PCDH11X: variants seen among roughly 807,000 people sequenced by gnomAD.
PCDH11X encodes the protein protocadherin-11 X-linked.
PCDH11X carries 18 observed loss-of-function variants against 53.3 expected under a neutral mutation model. That is an observed-to-expected ratio of 0.34 (90% CI 0.23 to 0.50). PCDH11X has a LOEUF of 0.50. PCDH11X is among the 20% of genes least tolerant of loss of function. The pLI is 0.98. For missense variants in PCDH11X, 570 were observed against 1,032.4 expected, an observed-to-expected ratio of 0.55 and a Z score of 6.14; for synonymous variants, 279 against 393.3, an observed-to-expected ratio of 0.71 and a Z score of 3.44.
At chrX:92,129,961 TGCGCAC>T (rs2148193755) in intron 6 of PCDH11X, among the ~76,000 whole-genome samples, 1 of 112,029 alleles carries the variant, frequency 8.9e-6, no homozygotes, top group East Asian at 2.8e-4. Context: ...ATGGCTTATA[TGCGCAC>T]ACGCACACGC....
At chrX:92,564,475 T>C in intron 10 of PCDH11X, among the ~76,000 whole-genome samples, 2 of 102,879 alleles carry the variant, frequency 1.9e-5, no homozygotes, top group Middle Eastern at 9.9e-3. Flanking sequence ...ACACCTACAG[T>C]GTACTAGTTT....
intron 8 of PCDH11X, among the ~76,000 whole-genome samples, chrX:92,296,492 T>C (rs1439993955): frequency 1.8e-5 from 2 of 109,557 alleles, no homozygotes; most frequent in Non-Finnish European, 3.8e-5. Context: ...AGTGAGAACA[T>C]GTGGTATCTG....
intron 6 of PCDH11X, among the ~76,000 whole-genome samples, chrX:92,160,381 G>A (rs2065620279): frequency 9.1e-6 from 1 of 110,113 alleles, no homozygotes; most frequent in South Asian, 3.8e-4. Context: ...TCACAGCTTA[G>A]CTCCCGCTTA....
intron 4 of PCDH11X, among the ~76,000 whole-genome samples, chrX:91,825,168 G>T (rs1479178973): frequency 9.1e-6 from 1 of 109,341 alleles, no homozygotes; most frequent in Non-Finnish European, 1.9e-5. Flanking sequence ...GCCTACAGAG[G>T]CAAGCAGGCC....
At chrX:91,824,457 T>C (rs1192728717) in intron 4 of PCDH11X, among the ~76,000 whole-genome samples, 1 of 111,443 alleles carries the variant, frequency 9.0e-6, no homozygotes, top group Non-Finnish European at 1.9e-5. Flanking sequence ...TTTCTTCCAG[T>C]TGATCGCATC....
intron 6 of PCDH11X, among the ~76,000 whole-genome samples, chrX:92,071,409 A>T (rs773474123): frequency 2.7e-5 from 3 of 111,277 alleles, no homozygotes; most frequent in African/African-American, 6.6e-5. Flanking sequence ...AGTTTTTTGA[A>T]TTATCTCTCT....
intron 5 of PCDH11X, among the ~76,000 whole-genome samples, chrX:91,839,614 A>G (rs1937440775): frequency 9.0e-6 from 1 of 110,658 alleles, no homozygotes; most frequent in African/African-American, 3.3e-5. Flanking sequence ...AAAAAAATAA[A>G]TAAATAAAAT....
chrX:92,551,529 T>C (rs1338868738), intron 10 of PCDH11X, among the ~76,000 whole-genome samples: 1 of 105,933 alleles, frequency 9.4e-6, no homozygotes, highest in East Asian at 3.0e-4. Flanking sequence ...ACTTTGTTGA[T>C]AGCTTCCTCT....
At chrX:92,475,493 A>G (rs991117425) in intron 10 of PCDH11X, among the ~76,000 whole-genome samples, 1 of 111,805 alleles carries the variant, frequency 8.9e-6, no homozygotes, top group African/African-American at 3.3e-5. Context: ...TAAATATGTC[A>G]TGCCACTCTC....
intron 10 of PCDH11X, among the ~76,000 whole-genome samples, chrX:92,535,739 G>A (rs2074646393): frequency 1.8e-5 from 2 of 111,661 alleles, no homozygotes; most frequent in Non-Finnish European, 3.8e-5. Flanking sequence ...ATAGGAATAC[G>A]ATCCAATACT....
intron 10 of PCDH11X, among the ~76,000 whole-genome samples, chrX:92,469,501 A>G (rs1264567843): frequency 9.0e-6 from 1 of 111,467 alleles, no homozygotes; most frequent in African/African-American, 3.3e-5. Context: ...GTTTCCCCAA[A>G]GTGTTCTAGT....
rs4020627 is a variant in PCDH11X, at chrX:92,495,393, A to AT, written c.3367+27083dup. ...ATCTTTCAACACACAGTCGCAGTCA[A>AT]TTTTTTTTTTTTGTAATGCTTTCCA... On this transcript the variant is annotated intron_variant, in intron 10 of 10. Coordinates refer to ENST00000682573, the MANE Select transcript of PCDH11X (RefSeq NM_032968.5). Among the ~76,000 whole-genome samples, 147 of 103,657 alleles carry AT rather than the reference A, an allele frequency of 1.4e-3. 1 individual carries two copies. The highest frequency in any genetic ancestry group is 5.5e-3 in the South Asian group (13 of 2,359). 90.0% of individuals were successfully genotyped at this position (103,657 alleles called of 115,157 possible). A position where few individuals can be genotyped will look rare whatever the true frequency, so the allele number is the denominator to read the frequency against.
intron 10 of PCDH11X, among the ~76,000 whole-genome samples, chrX:92,482,803 G>A (rs1235743741): frequency 9.2e-6 from 1 of 108,987 alleles, no homozygotes; most frequent in Non-Finnish European, 1.9e-5. Context: ...CCTTTACTTT[G>A]TTTTTCTCTT....
chrX:92,402,282 G>A (rs374004566), intron 9 of PCDH11X, among the ~76,000 whole-genome samples: 53 of 111,579 alleles, frequency 4.7e-4, no homozygotes, highest in East Asian at 4.2e-3. Context: ...ACGAGAAAAA[G>A]GCTATTTTAA....
At chrX:92,537,533 T>C (rs183338746) in intron 10 of PCDH11X, among the ~76,000 whole-genome samples, 211 of 108,924 alleles carry the variant, frequency 1.9e-3, no homozygotes, top group African/African-American at 6.6e-3. Context: ...TGGAACCCTG[T>C]AATATTTAGA....
chrX:92,076,162 A>T (rs1235134080), intron 6 of PCDH11X, among the ~76,000 whole-genome samples: 7 of 107,842 alleles, frequency 6.5e-5, no homozygotes, highest in Non-Finnish European at 9.5e-5. Context: ...AAGAGAAAAA[A>T]TTCCGTGTAA....
intron 7 of PCDH11X, among the ~76,000 whole-genome samples, chrX:92,254,055 A>G (rs561547147): frequency 8.9e-6 from 1 of 111,940 alleles, no homozygotes; most frequent in Admixed American, 9.5e-5. Context: ...CTCATTAAGT[A>G]TGTGAGTCTG....
intron 6 of PCDH11X, among the ~76,000 whole-genome samples, chrX:92,097,236 C>T (rs1160882747): frequency 1.0e-4 from 11 of 109,451 alleles, no homozygotes; most frequent in Admixed American, 2.0e-4. Flanking sequence ...GGGAAACATA[C>T]GGAGACCCAT....
intron 8 of PCDH11X, among the ~76,000 whole-genome samples, chrX:92,263,396 T>A (rs1380884036): frequency 1.8e-5 from 2 of 111,933 alleles, no homozygotes; most frequent in Non-Finnish European, 3.8e-5. Flanking sequence ...AACAACATAC[T>A]GTTGACAGCA....
Sources: gnomAD v4.1 joint callset for allele counts (sites outside exome capture counted in the v4.1 genomes callset) on GRCh38, gnomAD v4.1.1 for gene constraint, MANE v1.5 for transcripts, NCBI Gene and HGNC (gene_info 2026-07-23, HGNC 2026-07-21) for gene names.